Variants in COL23A1 observed in about 807,000 individuals in gnomAD.
COL23A1 encodes collagen type XXIII alpha 1 chain.
In COL23A1, 97 loss-of-function variants were observed where a neutral mutation model predicts 99.3. The observed-to-expected ratio is 0.98, with a 90% CI of 0.83 to 1.16. The LOEUF (loss-of-function observed/expected upper bound fraction) is 1.16, where lower values mean the gene tolerates loss of function less well. Ranked by LOEUF, COL23A1 falls within the 50% of genes most tolerant of loss-of-function variation. COL23A1 has a pLI of 0.00. For synonymous variants in COL23A1, 320 were observed against 308.2 expected (o/e 1.04, Z -0.40); for missense variants, 762 against 757.4 (o/e 1.01, Z -0.07).
intron 2 of COL23A1, among the ~76,000 whole-genome samples, chr5:178,424,685 A>G (rs953761632): frequency 3.3e-5 from 5 of 152,174 alleles, no homozygotes; most frequent in African/African-American, 1.2e-4. Flanking sequence ...TCCCCCAATT[A>G]AACCTGAGCT....
chr5:178,575,474 C>T (rs1763302923), intron 1 of COL23A1, among the ~76,000 whole-genome samples: 1 of 152,176 alleles, frequency 6.6e-6, no homozygotes, highest in African/African-American at 2.4e-5. Flanking sequence ...CAACACACTC[C>T]TATGTGTTAC....
Position 178,567,915 on chromosome 5 carries a change from G to A in COL23A1, c.295-7167C>T, listed in dbSNP as rs7702629. Among the ~76,000 whole-genome samples the A allele has an allele frequency of 8.2e-3, 1,242 of 152,170 alleles. 15 individuals carry two copies. The highest frequency in any genetic ancestry group is 0.028 in the African/African-American group (1,166 of 41,518). On this transcript the variant is annotated intron_variant, in intron 1 of 28. Transcript: ENST00000390654. ...TATATGTAAATACTTCCCTCTTCCCGGAGGTGAAGCTAACTTCCCCTCCCC... is the reference window on the plus strand; with the variant it reads ...TATATGTAAATACTTCCCTCTTCCCAGAGGTGAAGCTAACTTCCCCTCCCC...
At chr5:178,523,193 T>C (rs1249855896) in intron 2 of COL23A1, among the ~76,000 whole-genome samples, 19 of 79,996 alleles carry the variant, frequency 2.4e-4, no homozygotes, top group African/African-American at 6.3e-4. Context: ...TATATATATA[T>C]ATATATATAG....
chr5:178,353,138 T>C (rs942884842), intron 2 of COL23A1, among the ~76,000 whole-genome samples: 3 of 152,124 alleles, frequency 2.0e-5, no homozygotes, highest in Non-Finnish European at 4.4e-5. Context: ...AGAAAAAGAC[T>C]GGAAACAATT....
chr5:178,258,262 T>TATACAC lies in COL23A1; in HGVS notation c.730-696_730-695insGTGTAT. Reference sequence around the variant, plus strand: ...ATATATATATATATATATATATATATACACATGCAAATCAATTCTAGGCAC... The same window carrying TATACAC: ...ATATATATATATATATATATATATATATACACACACATGCAAATCAATTCTAGGCAC... On this transcript the variant is annotated intron_variant, in intron 12 of 28. Coordinates refer to ENST00000390654, the MANE Select transcript of COL23A1 (RefSeq NM_173465.4). Among the ~76,000 whole-genome samples, 140 of 104,104 alleles carry TATACAC rather than the reference T, an allele frequency of 1.3e-3. 14 individuals are homozygous for TATACAC. The highest frequency in any genetic ancestry group is 0.011 in the Middle Eastern group (2 of 186). 68.3% of individuals were successfully genotyped at this position (104,104 alleles called of 152,430 possible).
intron 1 of COL23A1, among the ~76,000 whole-genome samples, chr5:178,585,745 A>ATGCTGGGGGTAACACTCCACAG (rs1371181299): frequency 2.9e-3 from 16 of 5,488 alleles, no homozygotes; most frequent in South Asian, 4.8e-3. Flanking sequence ...GCCCTGGCTG[A>ATGCTGGGGGTAACACTCCACAG]CCCTGTTGGT....
intron 2 of COL23A1, among the ~76,000 whole-genome samples, chr5:178,382,999 C>T (rs567347222): frequency 4.6e-5 from 7 of 151,964 alleles, no homozygotes; most frequent in African/African-American, 1.2e-4. Flanking sequence ...CTCCACCTGT[C>T]GGGGCTGGCT....
At chr5:178,364,143 C>T (rs181475074) in intron 2 of COL23A1, among the ~76,000 whole-genome samples, 75 of 152,312 alleles carry the variant, frequency 4.9e-4, no homozygotes, top group African/African-American at 1.6e-3. Context: ...TTTAAAGCCG[C>T]GTGTGCTTTT....
chr5:178,367,515 CA>C (rs1270569121), intron 2 of COL23A1, among the ~76,000 whole-genome samples: 2 of 152,194 alleles, frequency 1.3e-5, no homozygotes, highest in African/African-American at 4.8e-5. Context: ...GTGGCTGCAA[CA>C]TCTGGCCTCA....
chr5:178,548,894 G>A lies in COL23A1; in HGVS notation c.361+11788C>T, dbSNP rs568240708. On this transcript the variant is annotated intron_variant, in intron 2 of 28. Coordinates refer to ENST00000390654, the MANE Select transcript of COL23A1 (RefSeq NM_173465.4). ...AAATAAATGTCTATCAGCAGCAGAC[G>A]AGATGAATAGTAGTATGTTCATACA... 5.6e-4 allele frequency among the ~76,000 whole-genome samples: 85 copies of A among 152,258 alleles called. 1 individual carries two copies. Among genetic ancestry groups the A allele is most frequent in the African/African-American group, 1.8e-3 (74 of 41,556 alleles).
At chr5:178,470,927 C>A (rs543117851) in intron 2 of COL23A1, among the ~76,000 whole-genome samples, 1 of 152,304 alleles carries the variant, frequency 6.6e-6, no homozygotes, top group South Asian at 2.1e-4. Flanking sequence ...TTTGTCCATT[C>A]CTAAATATTC....
chr5:178,321,396 T>G (rs528256259), intron 2 of COL23A1, among the ~76,000 whole-genome samples: 55 of 152,280 alleles, frequency 3.6e-4, no homozygotes, highest in Non-Finnish European at 6.8e-4. Flanking sequence ...CAGCAGCATT[T>G]GTCCTGTGAC....
At chr5:178,416,027 C>T (rs1429330233) in intron 2 of COL23A1, among the ~76,000 whole-genome samples, 1 of 152,114 alleles carries the variant, frequency 6.6e-6, no homozygotes, top group African/African-American at 2.4e-5. Context: ...AACAGTAGGC[C>T]AAGTCATGAG....
chr5:178,507,546 A>G (rs1180920137), intron 2 of COL23A1, among the ~76,000 whole-genome samples: 1 of 152,230 alleles, frequency 6.6e-6, no homozygotes, highest in Non-Finnish European at 1.5e-5. Context: ...GTCGACAGTC[A>G]ATAAATGTTT....
chr5:178,482,393 G>A (rs923941620), intron 2 of COL23A1, among the ~76,000 whole-genome samples: 1 of 152,144 alleles, frequency 6.6e-6, no homozygotes, highest in African/African-American at 2.4e-5. Flanking sequence ...CCTTTTATAT[G>A]CAGTATCTAG....
chr5:178,305,834 G>A (rs1369550645), intron 3 of COL23A1, among the ~76,000 whole-genome samples: 1 of 152,158 alleles, frequency 6.6e-6, no homozygotes, highest in African/African-American at 2.4e-5. Context: ...GGAGAAGGAG[G>A]CTCATGGGGA....
intron 2 of COL23A1, among the ~76,000 whole-genome samples, chr5:178,558,129 G>T (rs1762380026): frequency 6.6e-6 from 1 of 151,602 alleles, no homozygotes; most frequent in African/African-American, 2.4e-5. Context: ...GTCCCCCATG[G>T]TCTTCCCAAG....
rs1351584262 is a variant in COL23A1, at chr5:178,343,243, G to A, written c.362-36324C>T. Among the ~76,000 whole-genome samples the A allele has an allele frequency of 3.3e-5, 5 of 152,108 alleles. No individual in the cohort carries two copies. In the East Asian group the frequency reaches 5.8e-4, roughly 18 times the overall value. On this transcript the variant is annotated intron_variant, in intron 2 of 28. Transcript: ENST00000390654. Reference sequence around the variant, plus strand: ...GATTCCGAAGCGAAGACTGTTTCCCGCCTCCACCCCCATCAATTAGCTAAG... The same window carrying A: ...GATTCCGAAGCGAAGACTGTTTCCCACCTCCACCCCCATCAATTAGCTAAG...
chr5:178,538,807 A>C (rs910531242), intron 2 of COL23A1, among the ~76,000 whole-genome samples: 1 of 152,166 alleles, frequency 6.6e-6, no homozygotes, highest in African/African-American at 2.4e-5. Flanking sequence ...CCTAATAAGC[A>C]AACAGTGGAA....
Sources: allele counts gnomAD v4.1 joint callset (sites outside exome capture counted in the v4.1 genomes callset), GRCh38; gene constraint gnomAD v4.1.1; transcripts MANE v1.5; gene names NCBI Gene and HGNC (gene_info 2026-07-23, HGNC 2026-07-21).